The following ASPH variants were observed in gnomAD, a reference collection of about 807,000 sequenced individuals.
The protein encoded by ASPH is aspartate beta-hydroxylase.
Under a neutral mutation model 118.4 loss-of-function variants are expected in ASPH, and 100 were observed. The observed-to-expected ratio is 0.84, with a 90% CI of 0.72 to 1.00. The LOEUF is 1.00. Ranked by LOEUF, ASPH falls within the 50% of genes least tolerant of loss-of-function variation. The pLI is 0.00. For synonymous variants in ASPH, 315 were observed against 325.6 expected (o/e 0.97, Z 0.35); for missense variants, 920 against 919.5 (o/e 1.00, Z -0.01).
chr8:61,528,665 A>G (rs1816425611), intron 21 of ASPH, among the ~76,000 whole-genome samples: 1 of 152,222 alleles, frequency 6.6e-6, no homozygotes, highest in African/African-American at 2.4e-5. Flanking sequence ...ATCACTCAAT[A>G]TAATTTAACA....
At chr8:61,529,205 A>C (rs1816635447) in intron 21 of ASPH, among the ~76,000 whole-genome samples, 1 of 152,200 alleles carries the variant, frequency 6.6e-6, no homozygotes, top group African/African-American at 2.4e-5. Context: ...ACATTTAGGC[A>C]CAGGGATTTC....
In ASPH at chr8:61,567,278, A is replaced by T; in HGVS notation, c.1190T>A (p.Val397Glu). Residue 397 changes from valine to glutamate, a missense_variant, in exon 17 of 25, where the codon GTG (valine) becomes GAG (glutamate). By Grantham distance (121) the Val-to-Glu change is moderately radical. Coordinates refer to ENST00000379454, the MANE Select transcript of ASPH (RefSeq NM_004318.4). The part of the protein sequence containing the change: ...DLAEKRRSNE[V>E]LRGAIETYQE... Reference sequence around the variant, plus strand: ...GTAGGTCTCGATGGCTCCACGTAGCACCTCATTACTTCTCCTCTTCTCAGC... The same window carrying T: ...GTAGGTCTCGATGGCTCCACGTAGCTCCTCATTACTTCTCCTCTTCTCAGC... The T allele has an allele frequency of 6.2e-7, 1 of 1,613,906 alleles. No individual in the cohort carries two copies. The highest frequency in any genetic ancestry group is 8.5e-7 in the Non-Finnish European group (1 of 1,179,946).
At chr8:61,697,931 C>T (rs1834315585) in intron 1 of ASPH, among the ~76,000 whole-genome samples, 1 of 151,832 alleles carries the variant, frequency 6.6e-6, no homozygotes. Context: ...GCTGGGACCA[C>T]AGGCATGCAC....
chr8:61,609,829 C>A (rs1414006609), intron 14 of ASPH, among the ~76,000 whole-genome samples: 2 of 152,138 alleles, frequency 1.3e-5, no homozygotes, highest in Admixed American at 1.3e-4. Flanking sequence ...ATGTACTCAC[C>A]AATTTGAAGT....
rs191602569 is a variant in ASPH at position 61,531,938 on chromosome 8, G to A, written c.1765-5826C>T. On this transcript the variant is annotated intron_variant, in intron 21 of 24. Coordinates refer to ENST00000379454, the MANE Select transcript of ASPH (RefSeq NM_004318.4). ...TACTAAAGTTTTTCTTCATTTGCCT[G>A]TTGATAGACATTCAGGTTGTTTCCA... Among the ~76,000 whole-genome samples the A allele has an allele frequency of 6.1e-4, 93 of 152,240 alleles. 1 individual carries two copies. In the Middle Eastern group the frequency reaches 0.027, roughly 45 times the overall value.
intron 20 of ASPH, among the ~76,000 whole-genome samples, chr8:61,551,864 A>G (rs1826135000): frequency 6.6e-6 from 1 of 152,190 alleles, no homozygotes; most frequent in Non-Finnish European, 1.5e-5. Context: ...TTCTTCTCCC[A>G]TCTTTCTCTT....
intron 3 of ASPH, among the ~76,000 whole-genome samples, chr8:61,671,705 T>C (rs1430213077): frequency 6.6e-6 from 1 of 152,244 alleles, no homozygotes; most frequent in Non-Finnish European, 1.5e-5. Flanking sequence ...AAAAAGATCT[T>C]ACATTCTTCC....
At chr8:61,632,168 A>G (rs1374829274) in intron 13 of ASPH, among the ~76,000 whole-genome samples, 1 of 152,170 alleles carries the variant, frequency 6.6e-6, no homozygotes, top group Non-Finnish European at 1.5e-5. Flanking sequence ...TAAAAATCTA[A>G]AAAAGCACCT....
chr8:61,702,905 C>T (rs1317087069), intron 1 of ASPH, among the ~76,000 whole-genome samples: 1 of 151,930 alleles, frequency 6.6e-6, no homozygotes, highest in Admixed American at 6.6e-5. Flanking sequence ...GTACTAATCA[C>T]AATTCTTAAG....
intron 24 of ASPH, among the ~76,000 whole-genome samples, chr8:61,510,316 T>C (rs1187491961): frequency 1.3e-5 from 2 of 152,204 alleles, no homozygotes; most frequent in Non-Finnish European, 2.9e-5. Flanking sequence ...ACCCAAGTCA[T>C]GAGACTTCAA....
At chr8:61,675,365 T>A in intron 3 of ASPH, 1 of 968,350 alleles carries the variant, frequency 1.0e-6, no homozygotes, top group Non-Finnish European at 1.2e-6. Flanking sequence ...TTTCTCTGGA[T>A]GTATATTTGG....
intron 14 of ASPH, among the ~76,000 whole-genome samples, chr8:61,594,744 G>A (rs1842076069): frequency 6.6e-6 from 1 of 152,120 alleles, no homozygotes; most frequent in South Asian, 2.1e-4. Flanking sequence ...ATTAAGTTTT[G>A]TCATAGTGTG....
chr8:61,585,221 C>A (rs774569605), intron 14 of ASPH, among the ~76,000 whole-genome samples: 3 of 152,286 alleles, frequency 2.0e-5, no homozygotes, highest in Non-Finnish European at 4.4e-5. Flanking sequence ...GCACACCCAG[C>A]AGGTGAGAGG....
chr8:61,517,881 C>G (rs747846022), intron 23 of ASPH, 151 bp downstream of exon 23: 56 of 1,088,306 alleles, frequency 5.1e-5, no homozygotes, highest in Non-Finnish European at 7.1e-5. Context: ...TCAATTCTGA[C>G]GTCAACCACA....
At chr8:61,563,735 A>G (rs1401217649) in intron 17 of ASPH, among the ~76,000 whole-genome samples, 7 of 152,204 alleles carry the variant, frequency 4.6e-5, no homozygotes, top group African/African-American at 1.7e-4. Flanking sequence ...TCACTAACAA[A>G]TCTGGGCTTC....
In ASPH at chr8:61,665,677, G is replaced by C. The variant is rs901661050; in HGVS notation, c.323-12017C>G. 7.6e-6 allele frequency: 11 copies of C among 1,441,026 alleles called. No individual in the cohort carries two copies. In the African/African-American group the frequency reaches 1.4e-4, roughly 19 times the overall value. The allele number at this position is 1,441,026 out of a possible 1,614,324, so 89.3% of individuals were successfully genotyped here. A position where few individuals can be genotyped will look rare whatever the true frequency, so the allele number is the denominator to read the frequency against. On this transcript the variant is annotated intron_variant, in intron 3 of 24. Transcript: ENST00000379454. ...CTCTTAATCACAGAACAGGAAGTTA[G>C]TGAAAAGGTATTCTCTTTTTATCTC...
chr8:61,607,003 G>A (rs1156277213), intron 14 of ASPH: 3 of 380,712 alleles, frequency 7.9e-6, no homozygotes, highest in African/African-American at 2.1e-5. Context: ...ATCGCTCCAT[G>A]AAGACTCCAG....
At position 61,567,326 on chromosome 8, in the gene ASPH, A is replaced by G; in HGVS notation, c.1150-8T>C. On this transcript the variant is annotated splice_region_variant and splice_polypyrimidine_tract_variant and intron_variant, in intron 16 of 24. Transcript: ENST00000379454. ...AGCCAAATCATCCTCACACTAGAAG[A>G]AGTCCCCAGACTGGATAAATGTCCC... 1 of 1,611,826 alleles carries G rather than the reference A, an allele frequency of 6.2e-7. No homozygotes were observed. The highest frequency in any genetic ancestry group is 8.5e-7 in the Non-Finnish European group (1 of 1,178,818).
intron 24 of ASPH, among the ~76,000 whole-genome samples, chr8:61,508,413 A>C (rs1209566876): frequency 2.0e-5 from 3 of 152,204 alleles, no homozygotes; most frequent in African/African-American, 7.2e-5. Flanking sequence ...AGTATTCCAT[A>C]ATCTGTCAAC....
Sources: allele counts gnomAD v4.1 joint callset (sites outside exome capture counted in the v4.1 genomes callset), GRCh38; gene constraint gnomAD v4.1.1; transcripts MANE v1.5; gene names NCBI Gene and HGNC (gene_info 2026-07-23, HGNC 2026-07-21).